ANXA4: variants seen among roughly 807,000 people sequenced by gnomAD.
ANXA4 encodes annexin A4.
A neutral mutation model predicts 49.8 loss-of-function variants in ANXA4; 39 were observed. The observed-to-expected ratio is 0.78, with a 90% CI of 0.61 to 1.02. The LOEUF (loss-of-function observed/expected upper bound fraction) is 1.02. Among genes scored for constraint, ANXA4 ranks in the 50% least tolerant of loss-of-function variants. The probability of loss-of-function intolerance (pLI) is 0.00; values close to 1 mark genes in which losing one functional copy is unlikely to be tolerated. For missense variants in ANXA4, 360 were observed against 410.1 expected, an observed-to-expected ratio of 0.88 and a Z score of 1.05; for synonymous variants, 134 against 152.5, an observed-to-expected ratio of 0.88 and a Z score of 0.89.
At chr2:69,739,221 C>T (rs1271342849), upstream of ANXA4, among the ~76,000 whole-genome samples, 3 of 152,132 alleles carry the variant, frequency 2.0e-5, no homozygotes, top group East Asian at 3.8e-4. Context: ...TCTCCTATCC[C>T]GAGAAATCCT....
intron 1 of ANXA4, among the ~76,000 whole-genome samples, chr2:69,770,725 A>C (rs1671672397): frequency 1.3e-5 from 2 of 152,288 alleles, no homozygotes; most frequent in East Asian, 3.9e-4. Context: ...CTGTACGCAC[A>C]CACACATGCA....
chr2:69,649,781 A>AT (rs1192591683), intron 1 of ANXA4, among the ~76,000 whole-genome samples: 4 of 148,236 alleles, frequency 2.7e-5, no homozygotes, highest in Non-Finnish European at 4.5e-5. Flanking sequence ...CTGGCTTTTT[A>AT]TTTTTTTATT....
chr2:69,677,898 T>C (rs901288474), intron 2 of ANXA4, among the ~76,000 whole-genome samples: 1 of 152,214 alleles, frequency 6.6e-6, no homozygotes, highest in Admixed American at 6.5e-5. Flanking sequence ...CTGAAGACCC[T>C]CATGTGACAG....
chr2:69,656,314 T>C (rs1264921722), intron 2 of ANXA4, among the ~76,000 whole-genome samples: 1 of 76,760 alleles, frequency 1.3e-5, no homozygotes, highest in Admixed American at 1.8e-4. Flanking sequence ...TGTATATATG[T>C]ATATATATGT....
intron 1 of ANXA4, among the ~76,000 whole-genome samples, chr2:69,647,215 C>T (rs1189578784): frequency 6.6e-6 from 1 of 152,158 alleles, no homozygotes; most frequent in South Asian, 2.1e-4. Context: ...AGAGTCTACA[C>T]TTCCCAGCCT....
At chr2:69,807,727 T>C (rs1295302117) in intron 5 of ANXA4, among the ~76,000 whole-genome samples, 179 bp from the exon 6 acceptor site, 1 of 152,236 alleles carries the variant, frequency 6.6e-6, no homozygotes, top group African/African-American at 2.4e-5. Flanking sequence ...TTACTCATAA[T>C]TGTTACGGCA....
intron 1 of ANXA4, among the ~76,000 whole-genome samples, chr2:69,760,346 T>A (rs1485013953): frequency 6.6e-6 from 1 of 152,202 alleles, no homozygotes; most frequent in Non-Finnish European, 1.5e-5. Context: ...CTCTTGACAC[T>A]TGATTAAATA....
intron 2 of ANXA4, among the ~76,000 whole-genome samples, chr2:69,688,834 T>C (rs969054347): frequency 6.6e-6 from 1 of 152,216 alleles, no homozygotes; most frequent in Non-Finnish European, 1.5e-5. Flanking sequence ...ATCTCTTACA[T>C]TCCACATTCA....
chr2:69,699,064 G>A (rs1463736509), intron 2 of ANXA4, among the ~76,000 whole-genome samples: 1 of 152,180 alleles, frequency 6.6e-6, no homozygotes, highest in East Asian at 1.9e-4. Flanking sequence ...GGGGACAACT[G>A]AAGATATGAA....
chr2:69,714,218 C>T (rs1678792501), intron 2 of ANXA4, among the ~76,000 whole-genome samples: 1 of 150,296 alleles, frequency 6.7e-6, no homozygotes, highest in Non-Finnish European at 1.5e-5. Flanking sequence ...CTGGGTGGGC[C>T]GGGGGGTGGG....
Position 69,824,011 on chromosome 2 carries a change from C to T in ANXA4, c.907-1445C>T, listed in dbSNP as rs372388787. On this transcript the variant is annotated intron_variant, in intron 12 of 12. Transcript: ENST00000394295. Reference sequence around the variant, plus strand: ...GGAGGATCACTTGAGCCCAGGAGTTCGAAGCTGCAGTGAGCTATGACCACA... The same window carrying T: ...GGAGGATCACTTGAGCCCAGGAGTTTGAAGCTGCAGTGAGCTATGACCACA... Among the ~76,000 whole-genome samples, 8 of 152,008 alleles carry T rather than the reference C, an allele frequency of 5.3e-5. No individual in the cohort carries two copies. In the South Asian group the frequency reaches 1.0e-3, roughly 20 times the overall value.
rs574631403 is a variant in ANXA4, at chr2:69,774,194, A to G, written c.-46-7326A>G. ...TCCGTGACTCTCTGTGCCTTTCTCC[A>G]TTCTTCTCTTAACTAACCTCATGTT... On this transcript the variant is annotated intron_variant, in intron 1 of 12. Coordinates refer to ENST00000394295, the MANE Select transcript of ANXA4 (RefSeq NM_001153.5). Among the ~76,000 whole-genome samples, 184 of 151,962 alleles carry G rather than the reference A, an allele frequency of 1.2e-3. 1 individual carries two copies. Among genetic ancestry groups the G allele is most frequent in the Non-Finnish European group, 2.2e-3 (151 of 67,948 alleles).
intron 1 of ANXA4, among the ~76,000 whole-genome samples, chr2:69,747,516 G>A (rs1388810808): frequency 6.6e-6 from 1 of 152,176 alleles, no homozygotes; most frequent in Admixed American, 6.5e-5. Flanking sequence ...TGGAGTCACA[G>A]ACCCTTATAA....
chr2:69,804,755 T>C, intron 4 of ANXA4, 128 bp downstream of exon 4: 1 of 838,876 alleles, frequency 1.2e-6, no homozygotes, highest in African/African-American at 1.7e-5. Context: ...TGTTTAAAGA[T>C]GTTCTTGAGG....
intron 1 of ANXA4, among the ~76,000 whole-genome samples, chr2:69,760,151 A>AT (rs1214587173): frequency 2.6e-5 from 4 of 151,838 alleles, no homozygotes; most frequent in Non-Finnish European, 5.9e-5. Flanking sequence ...TTTTTTTGTG[A>AT]TTTTTTGAGG....
At chr2:69,735,728 A>G (rs1440803121) in intron 3 of ANXA4, among the ~76,000 whole-genome samples, 1 of 152,200 alleles carries the variant, frequency 6.6e-6, no homozygotes, top group Non-Finnish European at 1.5e-5. Context: ...CTATCGCTCC[A>G]AAAAATAACA....
At chr2:69,787,708 G>GCCT (rs1265161702) in intron 2 of ANXA4, among the ~76,000 whole-genome samples, 4 of 152,168 alleles carry the variant, frequency 2.6e-5, no homozygotes, top group Admixed American at 2.6e-4. Context: ...TGTAACCCTT[G>GCCT]CCTCCATCTT....
chr2:69,818,725 T>C lies in ANXA4; in HGVS notation c.724+31T>C, dbSNP rs761226369. 12 of 1,421,394 alleles carry C rather than the reference T, an allele frequency of 8.4e-6. No individual in the cohort carries two copies. The East Asian group carries it at 1.1e-4, about 14-fold the overall frequency. 88.0% of individuals were successfully genotyped at this position (1,421,394 alleles called of 1,614,324 possible). A position where few individuals can be genotyped will look rare whatever the true frequency, so the allele number is the denominator to read the frequency against. ...CTGGTAGGGGGAGTAGAGAAACAAA[T>C]GTTTATAGATTTTCCTTCTCATTAT... On this transcript the variant is annotated intron_variant, in intron 10 of 12. Transcript: ENST00000394295.
chr2:69,654,434 C>A (rs1329576696), intron 2 of ANXA4, among the ~76,000 whole-genome samples: 1 of 152,034 alleles, frequency 6.6e-6, no homozygotes, highest in African/African-American at 2.4e-5. Context: ...TCATAAATGG[C>A]TCTTATTATT....
Sources: gnomAD v4.1 joint callset for allele counts (sites outside exome capture counted in the v4.1 genomes callset) on GRCh38, gnomAD v4.1.1 for gene constraint, MANE v1.5 for transcripts, NCBI Gene and HGNC (gene_info 2026-07-23, HGNC 2026-07-21) for gene names.